GAS7: variants seen among roughly 807,000 people sequenced by gnomAD.
GAS7 encodes growth arrest specific 7, also known as growth arrest-specific protein 7.
GAS7 carries 28 observed loss-of-function variants against 71.1 expected under a neutral mutation model. That is an observed-to-expected ratio of 0.39 (90% CI 0.29 to 0.54). The LOEUF is 0.54. Among genes scored for constraint, GAS7 ranks in the 20% least tolerant of loss-of-function variants. GAS7 has a pLI of 0.62. For missense variants in GAS7, 436 were observed against 627.8 expected, an observed-to-expected ratio of 0.69 and a Z score of 3.27; for synonymous variants, 258 against 245.8, an observed-to-expected ratio of 1.05 and a Z score of -0.46.
At chr17:10,115,746 C>T (rs886678623) in intron 1 of GAS7, among the ~76,000 whole-genome samples, 24 of 152,202 alleles carry the variant, frequency 1.6e-4, no homozygotes, top group East Asian at 3.8e-4. Context: ...TGGTCTCCCC[C>T]GCCCCTAGTC....
At chr17:10,133,127 T>A (rs1378121330) in intron 1 of GAS7, among the ~76,000 whole-genome samples, 2,281 of 115,704 alleles carry the variant, frequency 0.02, 51 homozygotes, top group Middle Eastern at 0.038. Flanking sequence ...TTTATATTTT[T>A]TTTTTTTCTT....
chr17:9,913,268 G>C lies in GAS7; in HGVS notation c.*3960C>G. 2 of 232,756 alleles carry C rather than the reference G, an allele frequency of 8.6e-6. No homozygotes were observed. The highest frequency in any genetic ancestry group is 8.5e-6 in the Non-Finnish European group (1 of 117,650). 14.4% of individuals were successfully genotyped at this position (232,756 alleles called of 1,614,324 possible). On this transcript the variant is annotated 3_prime_UTR_variant, in exon 14 of 14. Transcript: ENST00000432992. ...TAAGACGATGTCCAGGCTACGTGGG[G>C]GGGCAGCTGATCTGTACCCCACTTA... is the stretch of plus-strand genomic sequence containing the variant.
chr17:10,016,185 A>G (rs1401992922), intron 2 of GAS7, among the ~76,000 whole-genome samples: 2 of 151,474 alleles, frequency 1.3e-5, no homozygotes, highest in East Asian at 4.0e-4. Flanking sequence ...GGAGATCGAG[A>G]CCACCCTGGC....
chr17:9,970,124 G>A (rs943391913), intron 3 of GAS7, among the ~76,000 whole-genome samples: 9 of 152,242 alleles, frequency 5.9e-5, no homozygotes, highest in East Asian at 5.8e-4. Flanking sequence ...ATCTCCCTCC[G>A]TAGAGTCGGG....
intron 1 of GAS7, among the ~76,000 whole-genome samples, chr17:10,129,928 CTTTGGG>C (rs2073982788): frequency 6.6e-6 from 1 of 152,034 alleles, no homozygotes; most frequent in Non-Finnish European, 1.5e-5. Flanking sequence ...AATCCCAGCA[CTTTGGG>C]AGGCCAAGGC....
intron 3 of GAS7, among the ~76,000 whole-genome samples, chr17:9,973,701 A>C (rs2070067444): frequency 6.6e-6 from 1 of 152,174 alleles, no homozygotes; most frequent in Admixed American, 6.5e-5. Flanking sequence ...TCCCCGCAAA[A>C]GGCACTGCAC....
At chr17:9,927,334 C>CACAA (rs1555589741) in intron 9 of GAS7, among the ~76,000 whole-genome samples, 3 of 148,214 alleles carry the variant, frequency 2.0e-5, no homozygotes, top group Non-Finnish European at 3.0e-5. Context: ...CACACACACA[C>CACAA]AAATTAGCTG....
chr17:10,123,911 C>T (rs1300210622), intron 1 of GAS7, among the ~76,000 whole-genome samples: 3 of 152,206 alleles, frequency 2.0e-5, no homozygotes, highest in Non-Finnish European at 4.4e-5. Context: ...ACACTGTACC[C>T]AGTGTCCGGG....
intron 4 of GAS7, among the ~76,000 whole-genome samples, chr17:9,968,418 A>C (rs879710689): frequency 6.6e-6 from 1 of 152,202 alleles, no homozygotes; most frequent in Non-Finnish European, 1.5e-5. Context: ...TCTGCATTTT[A>C]ACAAGAGGCC....
chr17:10,112,070 A>G (rs1367291568), intron 1 of GAS7, among the ~76,000 whole-genome samples: 1 of 152,200 alleles, frequency 6.6e-6, no homozygotes, highest in African/African-American at 2.4e-5. Context: ...AAAGTAGAAC[A>G]TTGCCATCCT....
intron 11 of GAS7, among the ~76,000 whole-genome samples, chr17:9,925,060 G>C (rs1472947321): frequency 6.6e-6 from 1 of 152,224 alleles, no homozygotes; most frequent in African/African-American, 2.4e-5. Flanking sequence ...TTGCTTCCTG[G>C]GGAAGTGGGC....
intron 1 of GAS7, among the ~76,000 whole-genome samples, chr17:10,094,764 G>A (rs373572622): frequency 6.6e-6 from 1 of 151,996 alleles, no homozygotes; most frequent in Non-Finnish European, 1.5e-5. Context: ...CACCGCGCCC[G>A]GCCACTCTCT....
At chr17:10,007,625 C>CAAAAAAAAAA (rs201254619) in intron 2 of GAS7, among the ~76,000 whole-genome samples, 2 of 46,600 alleles carry the variant, frequency 4.3e-5, no homozygotes, top group Admixed American at 2.7e-4. Flanking sequence ...GATTCTGTCT[C>CAAAAAAAAAA]AAAAAAAAAA....
intron 1 of GAS7, among the ~76,000 whole-genome samples, chr17:10,104,908 C>T (rs2073742966): frequency 6.6e-6 from 1 of 152,196 alleles, no homozygotes; most frequent in African/African-American, 2.4e-5. Context: ...ATAAAACATC[C>T]ATCAAATTAT....
chr17:10,193,968 A>G (rs1300227922), intron 1 of GAS7, among the ~76,000 whole-genome samples: 1 of 152,206 alleles, frequency 6.6e-6, no homozygotes, highest in East Asian at 1.9e-4. Context: ...TTAATTATCC[A>G]TAGCACAGCC....
intron 5 of GAS7, among the ~76,000 whole-genome samples, chr17:9,953,669 C>T (rs986286239): frequency 6.6e-6 from 1 of 152,252 alleles, no homozygotes; most frequent in Non-Finnish European, 1.5e-5. Flanking sequence ...ACTTTCCATT[C>T]GAACATCTGT....
chr17:10,023,906 C>G (rs761780366), intron 1 of GAS7, among the ~76,000 whole-genome samples: 1 of 152,058 alleles, frequency 6.6e-6, no homozygotes, highest in Non-Finnish European at 1.5e-5. Context: ...GGTGGATTAC[C>G]TGAGGTCAGG....
chr17:10,195,877 C>T (rs1415581951), intron 1 of GAS7, among the ~76,000 whole-genome samples: 1 of 152,122 alleles, frequency 6.6e-6, no homozygotes, highest in Non-Finnish European at 1.5e-5. Flanking sequence ...AAGCACCTGA[C>T]CCACATGCCC....
intron 2 of GAS7, among the ~76,000 whole-genome samples, chr17:10,017,098 T>C (rs1047462950): frequency 3.3e-4 from 50 of 151,192 alleles, no homozygotes; most frequent in South Asian, 6.2e-4. Flanking sequence ...GCCACTGTAC[T>C]CTAGCCTGGG....
Sources: allele counts gnomAD v4.1 joint callset (sites outside exome capture counted in the v4.1 genomes callset), GRCh38; gene constraint gnomAD v4.1.1; transcripts MANE v1.5; gene names NCBI Gene and HGNC (gene_info 2026-07-23, HGNC 2026-07-21).